The following SYT6 variants were observed in gnomAD, a reference collection of about 807,000 sequenced individuals.
The protein encoded by SYT6 is synaptotagmin 6.
In SYT6, 24 loss-of-function variants were observed where a neutral mutation model predicts 38.4. The ratio of observed to expected loss-of-function variants is 0.62; its 90% CI spans 0.45 to 0.88. The LOEUF is 0.88. Among genes scored for constraint, SYT6 ranks in the 40% least tolerant of loss-of-function variants. The pLI is 0.00. For synonymous variants in SYT6, 265 were observed against 241.9 expected (o/e 1.10, Z -0.89); for missense variants, 611 against 621.0 (o/e 0.98, Z 0.17).
intron 3 of SYT6, among the ~76,000 whole-genome samples, chr1:114,129,564 T>TTTCC (rs1484116622): frequency 8.9e-6 from 1 of 112,942 alleles, no homozygotes; most frequent in Non-Finnish European, 1.8e-5. Context: ...TTTTTCTTTC[T>TTTCC]TTTCTTTCTT....
intron 1 of SYT6, among the ~76,000 whole-genome samples, chr1:114,151,698 G>T (rs776984152): frequency 5.3e-5 from 8 of 152,224 alleles, no homozygotes; most frequent in Non-Finnish European, 1.0e-4. Context: ...ACTGGAGATG[G>T]ATCATTGGTG....
chr1:114,151,583 T>A (rs1679439406), intron 1 of SYT6, among the ~76,000 whole-genome samples: 1 of 152,038 alleles, frequency 6.6e-6, no homozygotes, highest in African/African-American at 2.4e-5. Flanking sequence ...CCCCCAGCAT[T>A]TCTGCCCTGA....
chr1:114,145,228 A>G (rs552229846), intron 1 of SYT6, among the ~76,000 whole-genome samples: 5 of 152,328 alleles, frequency 3.3e-5, no homozygotes, highest in African/African-American at 1.2e-4. Flanking sequence ...ATGTTATTAG[A>G]TTTAGGCAAT....
At chr1:114,118,824 C>G (rs764860289) in intron 3 of SYT6, among the ~76,000 whole-genome samples, 1 of 152,320 alleles carries the variant, frequency 6.6e-6, no homozygotes. Flanking sequence ...GCTGAGGCAA[C>G]GCTTCCTCAA....
chr1:114,112,861 C>T (rs898724065), intron 3 of SYT6, among the ~76,000 whole-genome samples: 1 of 152,240 alleles, frequency 6.6e-6, no homozygotes, highest in African/African-American at 2.4e-5. Flanking sequence ...AGAGGGCAGA[C>T]ATCTCCCCGT....
intron 3 of SYT6, among the ~76,000 whole-genome samples, chr1:114,109,180 C>T (rs568761590): frequency 3.9e-5 from 6 of 152,214 alleles, no homozygotes; most frequent in Non-Finnish European, 8.8e-5. Context: ...CATAGCAACA[C>T]AGGCCTCCTC....
intron 3 of SYT6, among the ~76,000 whole-genome samples, chr1:114,128,179 C>T (rs1222581381): frequency 6.6e-6 from 1 of 152,242 alleles, no homozygotes; most frequent in Non-Finnish European, 1.5e-5. Context: ...TTTACACCCA[C>T]TGGGGCTTCC....
intron 3 of SYT6, among the ~76,000 whole-genome samples, chr1:114,126,041 G>C (rs1242505642): frequency 6.6e-6 from 1 of 152,132 alleles, no homozygotes; most frequent in Non-Finnish European, 1.5e-5. Flanking sequence ...GTGGGCAGGG[G>C]CCTGGGAAGG....
At chr1:114,152,644 C>G (rs1474440920) in intron 1 of SYT6, 2 of 152,330 alleles carry the variant, frequency 1.3e-5, no homozygotes, top group African/African-American at 4.8e-5. Context: ...CGCCACGTCG[C>G]CGACCCTCCC....
Position 114,092,004 on chromosome 1 carries a change from G to A in SYT6, c.*130C>T, listed in dbSNP as rs962537951. 2 of 1,536,074 alleles carry A rather than the reference G, an allele frequency of 1.3e-6. No homozygotes were observed. The highest frequency in any genetic ancestry group is 2.7e-5 in the African/African-American group (2 of 73,052). The stretch of plus-strand genomic sequence containing the variant: ...TGAGTCCCATTTGTGTTATTTGGCT[G>A]CACATCTCATGGTGTTGGAGGTGGT... On this transcript the variant is annotated 3_prime_UTR_variant, in exon 8 of 8. Coordinates refer to ENST00000610222, the MANE Select transcript of SYT6 (RefSeq NM_001253772.2).
intron 6 of SYT6, among the ~76,000 whole-genome samples, chr1:114,094,454 G>A (rs1369353297): frequency 6.6e-6 from 1 of 152,238 alleles, no homozygotes; most frequent in African/African-American, 2.4e-5. Flanking sequence ...TCAACTCTGT[G>A]TGTGGTAACA....
At position 114,122,506 on chromosome 1, in the gene SYT6, T is replaced by TGTGTGTGTGCGCGCGCGC. The variant is rs60780339; in HGVS notation, c.1071+14988_1071+14989insGCGCGCGCGCACACACAC. ...TTGTGTGTGTGTGTGTGTGTGTGTG[T>TGTGTGTGTGCGCGCGCGC]GCGCGCACATGAGCATATGCACACA... is the stretch of plus-strand genomic sequence containing the variant. On this transcript the variant is annotated intron_variant, in intron 3 of 7. Transcript: ENST00000610222. Among the ~76,000 whole-genome samples the TGTGTGTGTGCGCGCGCGC allele has an allele frequency of 3.7e-4, 54 of 147,406 alleles. No individual in the cohort carries two copies. In the Middle Eastern group the frequency reaches 0.011, roughly 29 times the overall value.
chr1:114,122,509 G>A (rs531064982), intron 3 of SYT6, among the ~76,000 whole-genome samples: 108 of 152,128 alleles, frequency 7.1e-4, no homozygotes, highest in Middle Eastern at 6.8e-3. Flanking sequence ...GTGTGTGTGC[G>A]CGCACATGAG....
Position 114,099,195 on chromosome 1 carries a change from T to C in SYT6, c.1263A>G (p.Lys421=). Residue 421 remains lysine, a synonymous_variant, in exon 5 of 8, where the codon AAA becomes AAG. Transcript: ENST00000610222. ...RLKKKKTTIK[K]NTLNPVYNEA... ...CATTGTAGACAGGATTGAGAGTGTT[T>C]TTCTTTATGGTTGTTTTCTTCTTCT... The C allele has an allele frequency of 6.2e-7, 1 of 1,614,104 alleles. No homozygotes were observed. The highest frequency in any genetic ancestry group is 8.5e-7 in the Non-Finnish European group (1 of 1,179,994).
intron 3 of SYT6, among the ~76,000 whole-genome samples, chr1:114,134,426 A>G (rs1411095456): frequency 6.6e-6 from 1 of 152,256 alleles, no homozygotes; most frequent in African/African-American, 2.4e-5. Flanking sequence ...ACAAGAAAGT[A>G]CTGGGTTCTT....
intron 1 of SYT6, among the ~76,000 whole-genome samples, chr1:114,141,359 C>T (rs1044392209): frequency 1.3e-5 from 2 of 152,216 alleles, no homozygotes; most frequent in Admixed American, 6.5e-5. Context: ...GTGGTCTGGA[C>T]AGAAGATCAA....
intron 6 of SYT6, among the ~76,000 whole-genome samples, chr1:114,095,298 A>T (rs1163783641): frequency 6.6e-6 from 1 of 152,234 alleles, no homozygotes; most frequent in Non-Finnish European, 1.5e-5. Context: ...AGTCTGAACC[A>T]GTGAGTTAGA....
chr1:114,122,504 T>TGTGTGC (rs1553181977), intron 3 of SYT6, among the ~76,000 whole-genome samples: 8 of 114,446 alleles, frequency 7.0e-5, no homozygotes, highest in African/African-American at 2.3e-4. Flanking sequence ...TGTGTGTGTG[T>TGTGTGC]GTGCGCGCAC....
intron 1 of SYT6, among the ~76,000 whole-genome samples, chr1:114,142,296 C>T (rs542086164): frequency 1.3e-4 from 20 of 152,214 alleles, no homozygotes; most frequent in East Asian, 3.9e-4. Context: ...TTCCAAACAT[C>T]GTGAATGGCT....
Sources: gnomAD v4.1 joint callset for allele counts (sites outside exome capture counted in the v4.1 genomes callset) on GRCh38, gnomAD v4.1.1 for gene constraint, MANE v1.5 for transcripts, NCBI Gene and HGNC (gene_info 2026-07-23, HGNC 2026-07-21) for gene names.